BTAF1: variants seen among roughly 807,000 people sequenced by gnomAD.
BTAF1 encodes B-TFIID TATA-box binding protein associated factor 1.
In BTAF1, 38 loss-of-function variants were observed where a neutral mutation model predicts 227.1. That is an observed-to-expected ratio of 0.17 (90% CI 0.13 to 0.22). The LOEUF is 0.22. Among genes scored for constraint, BTAF1 ranks in the 10% least tolerant of loss-of-function variants. The pLI is 1.00. For synonymous variants in BTAF1, 742 were observed against 751.9 expected, an observed-to-expected ratio of 0.99 and a Z score of 0.21; for missense variants, 1,598 against 2,204.0, an observed-to-expected ratio of 0.73 and a Z score of 5.51.
chr10:92,011,015 A>T, intron 28 of BTAF1, 58 bp from the exon 29 acceptor site: 1 of 1,228,186 alleles, frequency 8.1e-7, no homozygotes, highest in South Asian at 1.3e-5. Flanking sequence ...TACAAATGGT[A>T]GCTATTAAGA....
At chr10:92,004,151 C>T (rs548640204) in intron 25 of BTAF1, among the ~76,000 whole-genome samples, 104 of 152,010 alleles carry the variant, frequency 6.8e-4, no homozygotes, top group Middle Eastern at 3.4e-3. Context: ...ATTTATGGTT[C>T]GCAAATAATT....
At chr10:92,025,880 G>A (rs1851478514) in intron 35 of BTAF1, among the ~76,000 whole-genome samples, 2 of 151,826 alleles carry the variant, frequency 1.3e-5, no homozygotes, top group Non-Finnish European at 2.9e-5. Flanking sequence ...AGAGACCCGG[G>A]GAGGGACTTT....
At chr10:92,026,266 A>G (rs1053332747) in intron 35 of BTAF1, among the ~76,000 whole-genome samples, 3 of 152,250 alleles carry the variant, frequency 2.0e-5, no homozygotes, top group Admixed American at 6.5e-5. Context: ...CTCTGTCCCC[A>G]TACTTTAAAG....
intron 4 of BTAF1, among the ~76,000 whole-genome samples, chr10:91,944,590 C>G (rs1845234830): frequency 3.3e-5 from 5 of 152,198 alleles, no homozygotes; most frequent in Admixed American, 3.3e-4. Context: ...TACAATTCAT[C>G]ATTTAAAGTA....
chr10:91,962,249 G>T (rs190867642), intron 11 of BTAF1, among the ~76,000 whole-genome samples: 1 of 152,272 alleles, frequency 6.6e-6, no homozygotes, highest in African/African-American at 2.4e-5. Flanking sequence ...ATGGTATTCA[G>T]TTCAGTAACA....
rs1851721050 is a variant in BTAF1 at position 92,028,976 on chromosome 10, T to C, written c.*43T>C. ...TGCAATTGCTGCTAGTTCAGTTACA[T>C]TTCTGCTGATATTCAGCAAATTTCT... On this transcript the variant is annotated 3_prime_UTR_variant, in exon 38 of 38. Coordinates refer to ENST00000265990, the MANE Select transcript of BTAF1 (RefSeq NM_003972.3). The C allele has an allele frequency of 6.6e-7, 1 of 1,521,358 alleles. No homozygotes were observed. The highest frequency in any genetic ancestry group is 1.3e-5 in the South Asian group (1 of 76,834). 94.2% of individuals were successfully genotyped at this position (1,521,358 alleles called of 1,614,324 possible).
At chr10:92,013,625 A>G in intron 30 of BTAF1, 42 bp from the exon 31 acceptor site, 5 of 1,612,960 alleles carry the variant, frequency 3.1e-6, no homozygotes, top group Non-Finnish European at 4.2e-6. Flanking sequence ...GTTGTAAGGA[A>G]ATAATCCCAG....
At chr10:91,940,389 T>TC (rs1289144869) in intron 3 of BTAF1, among the ~76,000 whole-genome samples, 2 of 152,090 alleles carry the variant, frequency 1.3e-5, no homozygotes, top group African/African-American at 4.8e-5. Context: ...TTTGAAAGTC[T>TC]TTTTTTCTTG....
Position 91,953,876 on chromosome 10 carries a change from A to C in BTAF1, c.701+3A>C. 6.2e-7 allele frequency: 1 copy of C among 1,613,336 alleles called. No individual in the cohort carries two copies. Among genetic ancestry groups the C allele is most frequent in the Non-Finnish European group, 8.5e-7 (1 of 1,179,728 alleles). ...GCAGTGGAAACTAATGAGAAGAGGT[A>C]GTAATCTTTTTTTGCCTATTCACTT... On this transcript the variant is annotated splice_donor_region_variant and intron_variant, in intron 6 of 37. Coordinates refer to ENST00000265990, the MANE Select transcript of BTAF1 (RefSeq NM_003972.3).
chr10:91,997,005 T>C, intron 24 of BTAF1: 1 of 764,216 alleles, frequency 1.3e-6, no homozygotes, highest in South Asian at 1.5e-5. Flanking sequence ...TACTAGATAA[T>C]TAGAAATATA....
intron 15 of BTAF1, 92 bp from the exon 16 acceptor site, chr10:91,981,551 A>G (rs550235941): frequency 1.9e-5 from 25 of 1,297,842 alleles, no homozygotes; most frequent in African/African-American, 3.0e-5. Context: ...GCTATTTCCT[A>G]CTTAAAAAAA....
At chr10:91,933,493 T>G (rs1844404079) in intron 1 of BTAF1, among the ~76,000 whole-genome samples, 1 of 151,970 alleles carries the variant, frequency 6.6e-6, no homozygotes, top group African/African-American at 2.4e-5. Context: ...ATATTAAGAG[T>G]ATTAAGAATA....
At position 91,923,994 on chromosome 10, in the gene BTAF1, G is replaced by C; in HGVS notation, c.-83G>C. The C allele has an allele frequency of 6.5e-7, 1 of 1,538,288 alleles. No homozygotes were observed. The highest frequency in any genetic ancestry group is 8.7e-7 in the Non-Finnish European group (1 of 1,145,108). ...CCCCTGTGCTCCGCGGCCTGGGCCTGCGCCGCTCAGCTCTCTGGAAACTAG... is the reference window on the plus strand; with the variant it reads ...CCCCTGTGCTCCGCGGCCTGGGCCTCCGCCGCTCAGCTCTCTGGAAACTAG... On this transcript the variant is annotated 5_prime_UTR_variant, in exon 1 of 38. Transcript: ENST00000265990.
chr10:92,011,650 G>C (rs1435437200), intron 30 of BTAF1, among the ~76,000 whole-genome samples: 1 of 152,078 alleles, frequency 6.6e-6, no homozygotes, highest in Non-Finnish European at 1.5e-5. Context: ...TAGAAATCTT[G>C]TGTCAAAAGT....
intron 34 of BTAF1, among the ~76,000 whole-genome samples, chr10:92,024,268 A>G (rs534621096): frequency 6.6e-6 from 1 of 152,290 alleles, no homozygotes; most frequent in African/African-American, 2.4e-5. Context: ...TTCTTCATAC[A>G]TTATTGAATA....
At chr10:91,990,225 T>G (rs1848645356) in intron 20 of BTAF1, among the ~76,000 whole-genome samples, 1 of 152,226 alleles carries the variant, frequency 6.6e-6, no homozygotes, top group Non-Finnish European at 1.5e-5. Context: ...ATTTGAAATG[T>G]AGTAGACTTA....
At chr10:92,025,441 TTTA>T (rs1428129166) in intron 35 of BTAF1, among the ~76,000 whole-genome samples, 1 of 149,204 alleles carries the variant, frequency 6.7e-6, no homozygotes, top group Non-Finnish European at 1.5e-5. Context: ...TGCTTTTTTT[TTTA>T]AAAAAAAAAT....
chr10:91,998,564 C>T (rs900627511), intron 25 of BTAF1, among the ~76,000 whole-genome samples: 1 of 152,002 alleles, frequency 6.6e-6, no homozygotes, highest in African/African-American at 2.4e-5. Context: ...ATGCAGGAAA[C>T]TGAAGTGGCT....
chr10:91,973,164 C>T lies in BTAF1; in HGVS notation c.1650+6407C>T, dbSNP rs555888278. ...TGGAAGCAATCATAATGTAAAGAGCCGTTAAATAGAGCTTTTTATCACTGT... is the reference window on the plus strand; with the variant it reads ...TGGAAGCAATCATAATGTAAAGAGCTGTTAAATAGAGCTTTTTATCACTGT... On this transcript the variant is annotated intron_variant, in intron 14 of 37. Coordinates refer to ENST00000265990, the MANE Select transcript of BTAF1 (RefSeq NM_003972.3). 7.9e-5 allele frequency among the ~76,000 whole-genome samples: 12 copies of T among 152,220 alleles called. No individual in the cohort carries two copies. The South Asian group carries it at 1.5e-3, about 18-fold the overall frequency.
Sources: gnomAD v4.1 joint callset for allele counts (sites outside exome capture counted in the v4.1 genomes callset) on GRCh38, gnomAD v4.1.1 for gene constraint, MANE v1.5 for transcripts, NCBI Gene and HGNC (gene_info 2026-07-23, HGNC 2026-07-21) for gene names.